Variants in ADGRG6 observed in about 807,000 individuals in gnomAD.
ADGRG6 encodes adhesion G protein-coupled receptor G6, also known as G-protein coupled receptor 126.
A neutral mutation model predicts 142.4 loss-of-function variants in ADGRG6; 84 were observed. That is an observed-to-expected ratio of 0.59 (90% CI 0.49 to 0.71). The LOEUF is 0.71. Ranked by LOEUF, ADGRG6 falls within the 30% of genes least tolerant of loss-of-function variation. ADGRG6 has a pLI of 0.00. For synonymous variants in ADGRG6, 521 were observed against 520.5 expected (o/e 1.00, Z -0.01); for missense variants, 1,367 against 1,466.6 (o/e 0.93, Z 1.11).
At chr6:142,410,032 AG>A (rs1415979391) in intron 17 of ADGRG6, 113 bp downstream of exon 17, 1 of 454,574 alleles carries the variant, frequency 2.2e-6, no homozygotes, top group African/African-American at 2.0e-5. Flanking sequence ...TCACAATGTA[AG>A]TGTAAATGGC....
chr6:142,405,756 T>C lies in ADGRG6; in HGVS notation c.2196T>C (p.Asn732=), dbSNP rs1312735929. 1 of 1,607,658 alleles carries C rather than the reference T, an allele frequency of 6.2e-7. No homozygotes were observed. The highest frequency in any genetic ancestry group is 8.5e-7 in the Non-Finnish European group (1 of 1,175,170). The part of the protein sequence containing the change: ...SVILPPNLLE[N]LSPEDSVLVR... ...TTTTGCCTCCAAACTTACTTGAGAA[T>C]TTAAGTCCAGAAGATTCTGTATTAG... Residue 732 remains asparagine, a synonymous_variant, in exon 15 of 25, where the codon AAT becomes AAC. Transcript: ENST00000367609.
At chr6:142,443,121 C>T (rs1315692608) in intron 24 of ADGRG6, among the ~76,000 whole-genome samples, 1 of 152,022 alleles carries the variant, frequency 6.6e-6, no homozygotes, top group African/African-American at 2.4e-5. Context: ...GTACAAATTA[C>T]TAGAAGGGAA....
At chr6:142,349,005 A>G (rs554646439) in intron 2 of ADGRG6, among the ~76,000 whole-genome samples, 76 of 152,376 alleles carry the variant, frequency 5.0e-4, no homozygotes, top group African/African-American at 1.7e-3. Flanking sequence ...CAAAGTTACA[A>G]TGCCATCACA....
chr6:142,425,492 C>A (rs1776894129), intron 22 of ADGRG6, among the ~76,000 whole-genome samples: 1 of 152,176 alleles, frequency 6.6e-6, no homozygotes, highest in South Asian at 2.1e-4. Flanking sequence ...TTAATGGATG[C>A]CTATCATTAC....
intron 18 of ADGRG6, among the ~76,000 whole-genome samples, chr6:142,412,037 CT>C (rs1562376347): frequency 6.6e-6 from 1 of 152,130 alleles, no homozygotes; most frequent in African/African-American, 2.4e-5. Flanking sequence ...TTCCATGCCC[CT>C]GTTTTATCTT....
chr6:142,425,598 G>A (rs1776898261), intron 22 of ADGRG6, among the ~76,000 whole-genome samples: 1 of 152,128 alleles, frequency 6.6e-6, no homozygotes, highest in African/African-American at 2.4e-5. Flanking sequence ...GATTTAGCTT[G>A]CAGGGAGGCA....
intron 2 of ADGRG6, among the ~76,000 whole-genome samples, chr6:142,344,671 A>T (rs12529231): frequency 0.061 from 9,291 of 152,018 alleles, 442 homozygotes; most frequent in Non-Finnish European, 0.088. Context: ...AATTTTTCAT[A>T]AAATAGCTGG....
At chr6:142,358,845 C>CA (rs1388241833) in intron 2 of ADGRG6, among the ~76,000 whole-genome samples, 1 of 151,862 alleles carries the variant, frequency 6.6e-6, no homozygotes, top group African/African-American at 2.4e-5. Flanking sequence ...GCAGAGGTTG[C>CA]AGCAGTGAGC....
At chr6:142,335,185 C>T (rs1305150536) in intron 2 of ADGRG6, among the ~76,000 whole-genome samples, 1 of 152,180 alleles carries the variant, frequency 6.6e-6, no homozygotes, top group Non-Finnish European at 1.5e-5. Flanking sequence ...AGTGTTAAGT[C>T]ATGGGGAACC....
chr6:142,437,592 C>G (rs1777546044), intron 23 of ADGRG6, 57 bp downstream of exon 23: 6 of 858,946 alleles, frequency 7.0e-6, no homozygotes, highest in Non-Finnish European at 1.2e-5. Flanking sequence ...GTTTGTCATT[C>G]AGTCTTTCAT....
Position 142,400,494 on chromosome 6 carries a change from T to C in ADGRG6, c.1577T>C (p.Leu526Pro). 4.6e-6 allele frequency: 7 copies of C among 1,517,842 alleles called. No homozygotes were observed. Among genetic ancestry groups the C allele is most frequent in the Non-Finnish European group, 6.4e-6 (7 of 1,092,984 alleles). 94.0% of individuals were successfully genotyped at this position (1,517,842 alleles called of 1,614,324 possible). ...TVNVRQLGHC[L>P]AMEEPKGYYW... ...TCTTATGTTCATATAGGTCATTGTC[T>C]TGCCATGGAGGAACCCAAAGGCTAC... Residue 526 changes from leucine to proline, a missense_variant, in exon 11 of 25, where the codon CTT becomes CCT. Leu to Pro is a moderately conservative substitution (Grantham distance 98). Coordinates refer to ENST00000367609, the MANE Select transcript of ADGRG6 (RefSeq NM_198569.3).
intron 2 of ADGRG6, among the ~76,000 whole-genome samples, chr6:142,367,148 C>T (rs910959550): frequency 6.6e-6 from 1 of 151,852 alleles, no homozygotes; most frequent in African/African-American, 2.4e-5. Context: ...GTTCTATAAC[C>T]CCCGCCACCC....
chr6:142,337,074 GT>G (rs1235934698), intron 2 of ADGRG6, among the ~76,000 whole-genome samples: 1 of 152,106 alleles, frequency 6.6e-6, no homozygotes, highest in African/African-American at 2.4e-5. Context: ...AACAGGGGCA[GT>G]TTTTTCTCTT....
At chr6:142,418,634 A>C (rs1466874822) in intron 21 of ADGRG6, among the ~76,000 whole-genome samples, 5 of 152,278 alleles carry the variant, frequency 3.3e-5, no homozygotes, top group Non-Finnish European at 7.4e-5. Flanking sequence ...CCATTTAGTA[A>C]ACTGCTATAC....
chr6:142,385,747 G>T (rs892955078), intron 6 of ADGRG6, among the ~76,000 whole-genome samples: 3 of 151,840 alleles, frequency 2.0e-5, no homozygotes, highest in South Asian at 4.2e-4. Flanking sequence ...ACTATATTAA[G>T]TTTTTTTTCT....
intron 22 of ADGRG6, among the ~76,000 whole-genome samples, chr6:142,423,359 G>T (rs1404731032): frequency 6.6e-6 from 1 of 151,616 alleles, no homozygotes; most frequent in Non-Finnish European, 1.5e-5. Context: ...GTAAGGAAGG[G>T]ATCCAGTTTC....
intron 2 of ADGRG6, among the ~76,000 whole-genome samples, chr6:142,329,407 C>T (rs1778931948): frequency 6.6e-6 from 1 of 151,962 alleles, no homozygotes; most frequent in Non-Finnish European, 1.5e-5. Flanking sequence ...ACATTTATGC[C>T]AAAATATTTG....
chr6:142,347,447 A>G (rs149475892), intron 2 of ADGRG6, among the ~76,000 whole-genome samples: 239 of 152,320 alleles, frequency 1.6e-3, no homozygotes, highest in African/African-American at 5.6e-3. Flanking sequence ...TCACCTATGT[A>G]GAAAACCAAA....
intron 2 of ADGRG6, among the ~76,000 whole-genome samples, chr6:142,338,017 G>GT (rs1181314373): frequency 0.027 from 938 of 35,382 alleles, 275 homozygotes; most frequent in African/African-American, 0.11. Flanking sequence ...TTGTATCTTT[G>GT]TTTTTTTTTT....
Sources: allele counts gnomAD v4.1 joint callset (sites outside exome capture counted in the v4.1 genomes callset), GRCh38; gene constraint gnomAD v4.1.1; transcripts MANE v1.5; gene names NCBI Gene and HGNC (gene_info 2026-07-23, HGNC 2026-07-21).